CLTCL1: variants seen among roughly 807,000 people sequenced by gnomAD.
CLTCL1 encodes the protein clathrin heavy chain 2.
Under a neutral mutation model 190.0 loss-of-function variants are expected in CLTCL1, and 159 were observed. That is an observed-to-expected ratio of 0.84 (90% CI 0.74 to 0.95). The LOEUF (loss-of-function observed/expected upper bound fraction) is 0.95, where lower values mean the gene tolerates loss of function less well. CLTCL1 is among the 40% of genes least tolerant of loss of function. The pLI, the probability that CLTCL1 is intolerant of heterozygous loss-of-function variation, is 0.00. For missense variants in CLTCL1, 1,878 were observed against 2,033.4 expected (o/e 0.92, Z 1.47); for synonymous variants, 752 against 769.6 (o/e 0.98, Z 0.38).
chr22:19,243,167 T>C (rs1011737875), intron 3 of CLTCL1, among the ~76,000 whole-genome samples: 6 of 152,276 alleles, frequency 3.9e-5, no homozygotes, highest in Admixed American at 3.3e-4. Flanking sequence ...TGGACAAACC[T>C]AATTTGTTAA....
chr22:19,216,094 C>T lies in CLTCL1; in HGVS notation c.3065+17G>A, dbSNP rs782277801. 18 of 1,612,036 alleles carry T rather than the reference C, an allele frequency of 1.1e-5. No homozygotes were observed. The South Asian group carries it at 1.9e-4, about 17-fold the overall frequency. ...TGAATCTGCCTGTGTCCACAGCTACCCCTGGCATAGCCTCACCTGTGCTCG... is the reference window on the plus strand; with the variant it reads ...TGAATCTGCCTGTGTCCACAGCTACTCCTGGCATAGCCTCACCTGTGCTCG... On this transcript the variant is annotated intron_variant, in intron 19 of 32. Transcript: ENST00000427926.
intron 30 of CLTCL1, 106 bp downstream of exon 30, chr22:19,183,284 G>T: frequency 2.2e-6 from 2 of 912,734 alleles, no homozygotes; most frequent in East Asian, 2.7e-5. Context: ...GGGGAATCTG[G>T]GTTGGCCTCA....
At chr22:19,247,413 TTTG>T (rs2086451882) in intron 3 of CLTCL1, among the ~76,000 whole-genome samples, 1 of 152,218 alleles carries the variant, frequency 6.6e-6, no homozygotes. Flanking sequence ...GATTTTTTTA[TTTG>T]TTGTTTTTTA....
chr22:19,252,876 TG>T (rs1350896904), intron 3 of CLTCL1, among the ~76,000 whole-genome samples: 2 of 151,862 alleles, frequency 1.3e-5, no homozygotes, highest in Non-Finnish European at 2.9e-5. Flanking sequence ...TAGCCAGGCA[TG>T]GTGGTGGGCG....
chr22:19,261,257 C>A (rs1402320151), intron 2 of CLTCL1, among the ~76,000 whole-genome samples: 2 of 152,028 alleles, frequency 1.3e-5, no homozygotes, highest in African/African-American at 4.8e-5. Context: ...GGACTACAGG[C>A]GCCCAACCAT....
chr22:19,257,046 A>G (rs1301954691), intron 2 of CLTCL1, among the ~76,000 whole-genome samples: 1 of 152,212 alleles, frequency 6.6e-6, no homozygotes, highest in African/African-American at 2.4e-5. Flanking sequence ...GTGCCTCAAA[A>G]AACTCAATAG....
At chr22:19,184,534 T>C (rs1442970138) in intron 29 of CLTCL1, 1 of 455,924 alleles carries the variant, frequency 2.2e-6, no homozygotes, top group Non-Finnish European at 4.4e-6. Flanking sequence ...ACCCACACTG[T>C]TCCTACAAAG....
chr22:19,212,047 T>G (rs1346379665), intron 19 of CLTCL1, among the ~76,000 whole-genome samples: 1 of 152,060 alleles, frequency 6.6e-6, no homozygotes, highest in East Asian at 1.9e-4. Flanking sequence ...TGCCAAAAAC[T>G]ATAAACTGCT....
At chr22:19,276,210 G>C (rs1422254524) in intron 1 of CLTCL1, among the ~76,000 whole-genome samples, 1 of 152,136 alleles carries the variant, frequency 6.6e-6, no homozygotes, top group African/African-American at 2.4e-5. Context: ...GTCTTGGAGA[G>C]GTGAAGGCGA....
intron 1 of CLTCL1, among the ~76,000 whole-genome samples, chr22:19,281,962 A>T (rs2087730626): frequency 1.3e-5 from 2 of 152,208 alleles, no homozygotes; most frequent in African/African-American, 2.4e-5. Context: ...CAAAAATAAG[A>T]TAAAGACTAT....
In CLTCL1 at chr22:19,233,259, C is replaced by A; in HGVS notation, c.1428G>T (p.Leu476=). The part of the protein sequence containing the change: ...LVKTTDPMLA[L]SVYLRANVPS... ...GCACATTTGCCCGAAGGTACACACT[C>A]AGAGCGAGCATGGGGTCAGTGGTTT... is the stretch of plus-strand genomic sequence containing the variant. The change falls in exon 9 of 33, where the codon CTG becomes CTT. Residue 476 remains leucine (L), a synonymous_variant. Coordinates refer to ENST00000427926, the MANE Select transcript of CLTCL1 (RefSeq NM_007098.4). 1.2e-6 allele frequency: 2 copies of A among 1,614,020 alleles called. No homozygotes were observed. The highest frequency in any genetic ancestry group is 1.7e-6 in the Non-Finnish European group (2 of 1,179,882).
intron 27 of CLTCL1, among the ~76,000 whole-genome samples, chr22:19,190,174 C>T (rs1398211172): frequency 1.3e-5 from 2 of 152,120 alleles, no homozygotes; most frequent in African/African-American, 2.4e-5. Flanking sequence ...CTCCTGACCT[C>T]GGGTGATCCG....
chr22:19,259,326 G>A (rs1384158280), intron 2 of CLTCL1, among the ~76,000 whole-genome samples: 23 of 152,098 alleles, frequency 1.5e-4, no homozygotes, highest in Admixed American at 4.6e-4. Flanking sequence ...GGCTGGTCTC[G>A]AACTCCTGAC....
At chr22:19,270,742 A>AG (rs1327889016) in intron 2 of CLTCL1, among the ~76,000 whole-genome samples, 1 of 151,602 alleles carries the variant, frequency 6.6e-6, no homozygotes, top group Non-Finnish European at 1.5e-5. Flanking sequence ...AAAAAAAAAA[A>AG]AAAGAATAAG....
intron 2 of CLTCL1, among the ~76,000 whole-genome samples, chr22:19,265,759 T>C (rs1427894570): frequency 6.6e-6 from 1 of 152,188 alleles, no homozygotes; most frequent in East Asian, 1.9e-4. Flanking sequence ...AATGGTATGC[T>C]ACATTTTAAC....
intron 1 of CLTCL1, among the ~76,000 whole-genome samples, chr22:19,283,674 C>T (rs2087804150): frequency 6.6e-6 from 1 of 151,110 alleles, no homozygotes; most frequent in East Asian, 2.0e-4. Context: ...TCAAAGCCTG[C>T]AATTAAATCA....
chr22:19,281,228 G>C (rs909840120), intron 1 of CLTCL1, among the ~76,000 whole-genome samples: 14 of 150,178 alleles, frequency 9.3e-5, no homozygotes, highest in Non-Finnish European at 5.9e-5. Flanking sequence ...CCAGGAGGCA[G>C]AGCTTGCAGT....
intron 2 of CLTCL1, 100 bp from the exon 3 acceptor site, chr22:19,254,327 G>T: frequency 9.9e-7 from 1 of 1,007,496 alleles, no homozygotes. Flanking sequence ...ATTACTTTAG[G>T]TTGTACTGCT....
rs1034786860 is a variant in CLTCL1, at chr22:19,253,274, C to A, written c.519+685G>T. Among the ~76,000 whole-genome samples, 5 of 152,212 alleles carry A rather than the reference C, an allele frequency of 3.3e-5. No individual in the cohort carries two copies. In the South Asian group the frequency reaches 1.0e-3, roughly 32 times the overall value. On this transcript the variant is annotated intron_variant, in intron 3 of 32. Coordinates refer to ENST00000427926, the MANE Select transcript of CLTCL1 (RefSeq NM_007098.4). ...GGGGCCAGAGATGCCAGGAAGGCCG[C>A]GTTGTGTGTGGGCCGTGGTGTGTGC...
Sources: gnomAD v4.1 joint callset for allele counts (sites outside exome capture counted in the v4.1 genomes callset) on GRCh38, gnomAD v4.1.1 for gene constraint, MANE v1.5 for transcripts, NCBI Gene and HGNC (gene_info 2026-07-23, HGNC 2026-07-21) for gene names.